The following FBXO15 variants were observed in gnomAD, a reference collection of about 807,000 sequenced individuals.
FBXO15 encodes F-box only protein 15.
A neutral mutation model predicts 49.5 loss-of-function variants in FBXO15; 30 were observed. The ratio of observed to expected loss-of-function variants is 0.61; its 90% CI spans 0.45 to 0.82. The LOEUF is 0.82. Among genes scored for constraint, FBXO15 ranks in the 40% least tolerant of loss-of-function variants. FBXO15 has a pLI of 0.00. For missense variants in FBXO15, 591 were observed against 631.5 expected, an observed-to-expected ratio of 0.94 and a Z score of 0.69; for synonymous variants, 250 against 232.7, an observed-to-expected ratio of 1.07 and a Z score of -0.68.
chr18:74,102,691 T>G (rs1339841029), intron 8 of FBXO15, among the ~76,000 whole-genome samples: 1 of 152,158 alleles, frequency 6.6e-6, no homozygotes, highest in Non-Finnish European at 1.5e-5. Context: ...ATTGCAAAAA[T>G]GTGGAACCCA....
At chr18:74,110,093 G>C (rs1479405457) in intron 8 of FBXO15, among the ~76,000 whole-genome samples, 2 of 150,376 alleles carry the variant, frequency 1.3e-5, no homozygotes, top group Non-Finnish European at 3.0e-5. Context: ...ATTCATAATT[G>C]ACCTAACAGA....
At chr18:74,108,551 A>G (rs150703539) in intron 8 of FBXO15, among the ~76,000 whole-genome samples, 2 of 152,222 alleles carry the variant, frequency 1.3e-5, no homozygotes, top group East Asian at 3.9e-4. Context: ...AGAATATCCA[A>G]TAACTACAAG....
chr18:74,119,079 C>T (rs999461111), intron 8 of FBXO15, among the ~76,000 whole-genome samples: 2 of 152,166 alleles, frequency 1.3e-5, no homozygotes, highest in Non-Finnish European at 2.9e-5. Flanking sequence ...GCAGGGCTTC[C>T]CACTCCTGGT....
At chr18:74,115,467 G>C (rs1914187650) in intron 8 of FBXO15, among the ~76,000 whole-genome samples, 1 of 152,104 alleles carries the variant, frequency 6.6e-6, no homozygotes, top group African/African-American at 2.4e-5. Context: ...ATAGAACTAA[G>C]GGATATTTTG....
intron 8 of FBXO15, among the ~76,000 whole-genome samples, chr18:74,102,324 T>A (rs1913558870): frequency 6.6e-6 from 1 of 151,894 alleles, no homozygotes; most frequent in Admixed American, 6.6e-5. Context: ...CAAAAGAAGA[T>A]ATACAAATGG....
At chr18:74,088,103 G>A (rs564451111) in intron 8 of FBXO15, among the ~76,000 whole-genome samples, 23 of 152,228 alleles carry the variant, frequency 1.5e-4, no homozygotes, top group African/African-American at 5.5e-4. Flanking sequence ...GATGCTGGAT[G>A]TTAGACCTTT....
chr18:74,081,974 T>C lies in FBXO15; in HGVS notation c.1216A>G (p.Lys406Glu), dbSNP rs1912519941. Residue 406 changes from lysine to glutamate, a missense_variant, in exon 9 of 10, where the codon AAA becomes GAA. Physicochemically the swap from Lys to Glu is moderately conservative, Grantham distance 56. Transcript: ENST00000419743. ...NNREHLPLIG[K>E]VGLSWKTDIF... ...TCAGTTTTCCACGAGAGGCCAACTT[T>C]TCCAATAAGAGGTAGGTGTTCTCTG... 6.2e-7 allele frequency: 1 copy of C among 1,613,438 alleles called. No individual in the cohort carries two copies. Among genetic ancestry groups the C allele is most frequent in the African/African-American group, 1.3e-5 (1 of 75,018 alleles).
At chr18:74,133,115 T>C (rs959595762) in intron 3 of FBXO15, among the ~76,000 whole-genome samples, 2 of 152,248 alleles carry the variant, frequency 1.3e-5, no homozygotes, top group Admixed American at 6.5e-5. Context: ...TCTGACTTCA[T>C]GATCAGACGT....
chr18:74,136,292 C>T (rs1182085006), intron 2 of FBXO15, among the ~76,000 whole-genome samples: 9 of 152,204 alleles, frequency 5.9e-5, no homozygotes, highest in Admixed American at 1.3e-4. Context: ...AGCCATTCTC[C>T]CGCCTCAGCC....
chr18:74,130,474 T>C lies in FBXO15; in HGVS notation c.517A>G (p.Ile173Val), dbSNP rs1486176115. ...IASVKAALAD[I>V]LKPVNPYTGL... Reference sequence around the variant, plus strand: ...GTGTAAGGGTTGACAGGTTTGAGAATGTCAGCTAGTGCGGCTTTTACAGAT... The same window carrying C: ...GTGTAAGGGTTGACAGGTTTGAGAACGTCAGCTAGTGCGGCTTTTACAGAT... Residue 173 changes from isoleucine to valine, a missense_variant, in exon 4 of 10, where the codon ATT (isoleucine) becomes GTT (valine). By Grantham distance (29) the Ile-to-Val change is conservative. Transcript: ENST00000419743. The C allele has an allele frequency of 6.2e-7, 1 of 1,614,206 alleles. No homozygotes were observed. Among genetic ancestry groups the C allele is most frequent in the Non-Finnish European group, 8.5e-7 (1 of 1,180,020 alleles).
chr18:74,078,338 C>T (rs73474812), intron 9 of FBXO15, among the ~76,000 whole-genome samples: 5,500 of 148,094 alleles, frequency 0.037, 352 homozygotes, highest in African/African-American at 0.13. Flanking sequence ...GGCCCCCCCC[C>T]GACCTGCCCC....
intron 9 of FBXO15, among the ~76,000 whole-genome samples, chr18:74,078,335 C>CT (rs1227136462): frequency 1.3e-5 from 2 of 148,990 alleles, no homozygotes; most frequent in East Asian, 4.1e-4. Flanking sequence ...CAAGGCCCCC[C>CT]CCCGACCTGC....
At chr18:74,120,353 C>A (rs1018080530) in intron 8 of FBXO15, among the ~76,000 whole-genome samples, 1 of 152,190 alleles carries the variant, frequency 6.6e-6, no homozygotes, top group East Asian at 1.9e-4. Flanking sequence ...ACACTCTACT[C>A]AACAACAGCA....
chr18:74,140,526 G>A (rs896684254), intron 1 of FBXO15, among the ~76,000 whole-genome samples: 25 of 151,928 alleles, frequency 1.6e-4, no homozygotes, highest in African/African-American at 5.1e-4. Flanking sequence ...AACCTTGATG[G>A]TAAGCAAGGA....
At chr18:74,145,093 C>A (rs144929703) in intron 1 of FBXO15, among the ~76,000 whole-genome samples, 115 of 152,044 alleles carry the variant, frequency 7.6e-4, no homozygotes, top group African/African-American at 2.8e-3. Flanking sequence ...TTTTAAGTAC[C>A]AAATGCTTTT....
chr18:74,089,892 C>G (rs1453577091), intron 8 of FBXO15, among the ~76,000 whole-genome samples: 1 of 152,064 alleles, frequency 6.6e-6, no homozygotes, highest in African/African-American at 2.4e-5. Context: ...TTAATTGTGT[C>G]TCTGCCAGGT....
At chr18:74,085,471 T>C (rs1912697113) in intron 8 of FBXO15, among the ~76,000 whole-genome samples, 1 of 152,178 alleles carries the variant, frequency 6.6e-6, no homozygotes, top group African/African-American at 2.4e-5. Context: ...CAGGCATCTG[T>C]AATCCCAGCT....
At chr18:74,096,162 A>C (rs1385529853) in intron 8 of FBXO15, among the ~76,000 whole-genome samples, 2 of 152,174 alleles carry the variant, frequency 1.3e-5, no homozygotes, top group African/African-American at 4.8e-5. Flanking sequence ...CATGGGAAGT[A>C]CTGAGCGTGC....
intron 8 of FBXO15, among the ~76,000 whole-genome samples, chr18:74,110,393 A>G (rs887131484): frequency 6.6e-6 from 1 of 151,868 alleles, no homozygotes; most frequent in Non-Finnish European, 1.5e-5. Context: ...ACAAGTTTAA[A>G]AAGAAGTATA....
Sources: allele counts gnomAD v4.1 joint callset (sites outside exome capture counted in the v4.1 genomes callset), GRCh38; gene constraint gnomAD v4.1.1; transcripts MANE v1.5; gene names NCBI Gene and HGNC (gene_info 2026-07-23, HGNC 2026-07-21).